Variants in COMMD10 observed in about 807,000 individuals in gnomAD.
COMMD10 encodes the protein COMM domain containing 10, also known as COMM domain-containing protein 10.
Under a neutral mutation model 28.9 loss-of-function variants are expected in COMMD10, and 33 were observed. The ratio of observed to expected loss-of-function variants is 1.14; its 90% CI spans 0.87 to 1.53. COMMD10 has a LOEUF of 1.53. Ranked by LOEUF, COMMD10 falls within the 40% of genes most tolerant of loss-of-function variation. The pLI, the probability that COMMD10 is intolerant of heterozygous loss-of-function variation, is 0.00. For missense variants in COMMD10, 310 were observed against 233.4 expected (o/e 1.33, Z -2.14); for synonymous variants, 110 against 81.7 (o/e 1.35, Z -1.87).
chr5:116,177,265 G>C (rs1753546235), intron 5 of COMMD10, among the ~76,000 whole-genome samples: 1 of 151,190 alleles, frequency 6.6e-6, no homozygotes, highest in African/African-American at 2.5e-5. Context: ...ATTTGGAATG[G>C]GTTTTGAGAA....
chr5:116,182,573 CA>C (rs1748007422), intron 5 of COMMD10, among the ~76,000 whole-genome samples: 1 of 151,848 alleles, frequency 6.6e-6, no homozygotes. Context: ...ATTTAGAGAA[CA>C]AAACAGTATT....
intron 5 of COMMD10, among the ~76,000 whole-genome samples, chr5:116,155,610 C>T (rs981381833): frequency 3.9e-5 from 6 of 152,000 alleles, no homozygotes; most frequent in Admixed American, 2.6e-4. Flanking sequence ...TTTAAATTGA[C>T]AAAGTGAGGA....
chr5:116,287,037 AG>A (rs1653399206), intron 5 of COMMD10, among the ~76,000 whole-genome samples: 1 of 151,866 alleles, frequency 6.6e-6, no homozygotes, highest in South Asian at 2.1e-4. Context: ...ATGTAAATAC[AG>A]TAAGTCCTCA....
chr5:116,225,281 T>G (rs1311114294), intron 5 of COMMD10, among the ~76,000 whole-genome samples: 1 of 151,784 alleles, frequency 6.6e-6, no homozygotes, highest in African/African-American at 2.4e-5. Flanking sequence ...CTGAGCCCAG[T>G]TAGAGTCATT....
chr5:116,288,749 CT>C (rs1327590634), intron 5 of COMMD10, among the ~76,000 whole-genome samples: 1 of 151,474 alleles, frequency 6.6e-6, no homozygotes, highest in African/African-American at 2.4e-5. Context: ...CATTCCGTTA[CT>C]GTATTTTTCA....
At chr5:116,133,708 T>C (rs1751933109) in intron 4 of COMMD10, among the ~76,000 whole-genome samples, 1 of 152,256 alleles carries the variant, frequency 6.6e-6, no homozygotes, top group Non-Finnish European at 1.5e-5. Flanking sequence ...AATTTGTAAC[T>C]ATTTAAAAAT....
chr5:116,135,763 A>G (rs1191564134), intron 5 of COMMD10, among the ~76,000 whole-genome samples: 1 of 152,200 alleles, frequency 6.6e-6, no homozygotes, highest in African/African-American at 2.4e-5. Flanking sequence ...AAAACAGTAT[A>G]TATTGGGTTT....
intron 5 of COMMD10, among the ~76,000 whole-genome samples, chr5:116,211,888 G>C (rs1443680713): frequency 6.6e-6 from 1 of 152,110 alleles, no homozygotes; most frequent in Non-Finnish European, 1.5e-5. Context: ...AATGAAGTGT[G>C]ATAGCTAACA....
chr5:116,124,668 G>C lies in COMMD10; in HGVS notation c.400-9400G>C, dbSNP rs114357478. Among the ~76,000 whole-genome samples the C allele has an allele frequency of 5.3e-5, 8 of 152,194 alleles. No individual in the cohort carries two copies. The East Asian group carries it at 1.5e-3, about 29-fold the overall frequency. On this transcript the variant is annotated intron_variant, in intron 4 of 6. Coordinates refer to ENST00000274458, the MANE Select transcript of COMMD10 (RefSeq NM_016144.4). ...TGATCTGTCTAATTTTAACAGTGGG[G>C]TGTTAAAGTCTCCCATTGTTATTGT...
At chr5:116,091,942 G>A (rs534989690) in intron 3 of COMMD10, among the ~76,000 whole-genome samples, 6 of 152,286 alleles carry the variant, frequency 3.9e-5, no homozygotes, top group Non-Finnish European at 7.3e-5. Flanking sequence ...ATCTACTACA[G>A]CCTTACATAC....
Position 116,149,325 on chromosome 5 carries a change from T to C in COMMD10, c.510+15147T>C, listed in dbSNP as rs1383378405. Among the ~76,000 whole-genome samples the C allele has an allele frequency of 2.1e-5, 3 of 144,592 alleles. No homozygotes were observed. In the East Asian group the frequency reaches 6.0e-4, roughly 29 times the overall value. The allele number at this position is 144,592 out of a possible 152,430, so 94.9% of individuals were successfully genotyped here. ...GTGCCGCAATAAACATACGTGTGTG[T>C]GTGTCTTTATAGTAGCATGATTTAT... On this transcript the variant is annotated intron_variant, in intron 5 of 6. Transcript: ENST00000274458.
chr5:116,217,936 A>G, intron 5 of COMMD10: 3 of 730,676 alleles, frequency 4.1e-6, no homozygotes, highest in Non-Finnish European at 4.9e-6. Context: ...GTAAAACAAA[A>G]TTTTGCATTT....
intron 5 of COMMD10, among the ~76,000 whole-genome samples, chr5:116,265,352 A>G (rs1002336489): frequency 8.6e-5 from 13 of 151,868 alleles, no homozygotes; most frequent in Middle Eastern, 3.4e-3. Flanking sequence ...CAGACAACCT[A>G]TAGGTATGAG....
chr5:116,182,256 G>A (rs1457811631), intron 5 of COMMD10, among the ~76,000 whole-genome samples: 1 of 152,030 alleles, frequency 6.6e-6, no homozygotes, highest in South Asian at 2.1e-4. Flanking sequence ...ACTGATAGTA[G>A]TTTAGCTCTA....
intron 4 of COMMD10, among the ~76,000 whole-genome samples, chr5:116,130,209 A>G (rs1157413364): frequency 6.6e-6 from 1 of 151,844 alleles, no homozygotes; most frequent in Non-Finnish European, 1.5e-5. Context: ...TGCTTACTGT[A>G]TGCGGGACAT....
At chr5:116,212,514 G>GTA (rs1280975449) in intron 5 of COMMD10, among the ~76,000 whole-genome samples, 1 of 148,792 alleles carries the variant, frequency 6.7e-6, no homozygotes, top group Non-Finnish European at 1.5e-5. Context: ...GTGTGTGTGT[G>GTA]TGTGTGTGTA....
At chr5:116,086,181 A>G (rs1249730926) in intron 1 of COMMD10, among the ~76,000 whole-genome samples, 2 of 152,340 alleles carry the variant, frequency 1.3e-5, no homozygotes, top group East Asian at 3.9e-4. Context: ...CGCCTATGCC[A>G]TATGGAGAGG....
chr5:116,093,788 A>G (rs72804813), intron 4 of COMMD10, among the ~76,000 whole-genome samples: 4,468 of 152,316 alleles, frequency 0.029, 82 homozygotes, highest in African/African-American at 0.032. Flanking sequence ...TTACAAGGCT[A>G]TAGTAACCAA....
chr5:116,290,275 G>C (rs545889365), intron 5 of COMMD10, among the ~76,000 whole-genome samples: 1 of 151,840 alleles, frequency 6.6e-6, no homozygotes, highest in Non-Finnish European at 1.5e-5. Flanking sequence ...GACAGCCAAT[G>C]AATTTTTCTA....
Sources: gnomAD v4.1 joint callset for allele counts (sites outside exome capture counted in the v4.1 genomes callset) on GRCh38, gnomAD v4.1.1 for gene constraint, MANE v1.5 for transcripts, NCBI Gene and HGNC (gene_info 2026-07-23, HGNC 2026-07-21) for gene names.